MFAP1: variants seen among roughly 807,000 people sequenced by gnomAD.
The protein encoded by MFAP1 is microfibril associated protein 1.
Under a neutral mutation model 62.2 loss-of-function variants are expected in MFAP1, and 18 were observed. The ratio of observed to expected loss-of-function variants is 0.29; its 90% CI spans 0.20 to 0.43. The LOEUF is 0.43. Ranked by LOEUF, MFAP1 falls within the 20% of genes least tolerant of loss-of-function variation. The pLI is 1.00. For synonymous variants in MFAP1, 175 were observed against 180.4 expected, an observed-to-expected ratio of 0.97 and a Z score of 0.24; for missense variants, 355 against 559.7, an observed-to-expected ratio of 0.63 and a Z score of 3.69.
intron 7 of MFAP1, among the ~76,000 whole-genome samples, chr15:43,806,263 G>A (rs2087364769): frequency 6.6e-6 from 1 of 152,174 alleles, no homozygotes; most frequent in South Asian, 2.1e-4. Flanking sequence ...TATATCATAA[G>A]TTGGATATTT....
At chr15:43,807,786 C>T (rs1036913171) in intron 7 of MFAP1, among the ~76,000 whole-genome samples, 1 of 152,192 alleles carries the variant, frequency 6.6e-6, no homozygotes, top group Non-Finnish European at 1.5e-5. Context: ...TATGTATTCT[C>T]GCTAACAGTG....
At chr15:43,814,369 G>T in intron 4 of MFAP1, 132 bp downstream of exon 4, 1 of 965,452 alleles carries the variant, frequency 1.0e-6, no homozygotes, top group Non-Finnish European at 1.5e-6. Context: ...GTCTGCCAAG[G>T]GTAGAGCACT....
rs1304571840 is a variant in MFAP1, at chr15:43,814,369, G to A, written c.617+132C>T. On this transcript the variant is annotated intron_variant, in intron 4 of 8. Coordinates refer to ENST00000267812, the MANE Select transcript of MFAP1 (RefSeq NM_005926.3). ...ATTCCTCAGCAGCTAGTCTGCCAAG[G>A]GTAGAGCACTAGCAAAAGCACTTTC... The A allele has an allele frequency of 5.2e-6, 5 of 965,452 alleles. No homozygotes were observed. In the East Asian group the frequency reaches 1.2e-4, roughly 24 times the overall value. 59.8% of individuals were successfully genotyped at this position (965,452 alleles called of 1,614,324 possible). A position where few individuals can be genotyped will look rare whatever the true frequency, so the allele number is the denominator to read the frequency against.
chr15:43,822,428 C>A (rs2087472137), intron 1 of MFAP1, among the ~76,000 whole-genome samples: 1 of 152,020 alleles, frequency 6.6e-6, no homozygotes, highest in Non-Finnish European at 1.5e-5. Context: ...GGCTGGAGTG[C>A]AGTGGCATGA....
At chr15:43,817,806 G>A (rs1406438397) in intron 1 of MFAP1, among the ~76,000 whole-genome samples, 1 of 152,178 alleles carries the variant, frequency 6.6e-6, no homozygotes, top group East Asian at 1.9e-4. Flanking sequence ...CAAATTATTT[G>A]TAACAGTGCC....
chr15:43,805,442 C>T lies in MFAP1; in HGVS notation c.1071G>A (p.Lys357=), dbSNP rs150612583. The T allele has an allele frequency of 1.2e-6, 2 of 1,612,978 alleles. No individual in the cohort carries two copies. The highest frequency in any genetic ancestry group is 2.2e-5 in the East Asian group (1 of 44,898). The change falls in exon 8 of 9, where the codon AAG becomes AAA. Residue 357 remains lysine, a synonymous_variant. Coordinates refer to ENST00000267812, the MANE Select transcript of MFAP1 (RefSeq NM_005926.3). ...FFMDEDEEVY[K]RDFSAPTLED... is the part of the protein sequence containing the mutation. ...CCAGGGTAGGAGCGCTGAAATCTCTCTTGTATACTTCTTCATCCTCATCCT... is the reference window on the plus strand; with the variant it reads ...CCAGGGTAGGAGCGCTGAAATCTCTTTTGTATACTTCTTCATCCTCATCCT...
At chr15:43,805,737 C>T (rs537696916) in intron 7 of MFAP1, among the ~76,000 whole-genome samples, 2 of 151,778 alleles carry the variant, frequency 1.3e-5, no homozygotes, top group Non-Finnish European at 2.9e-5. Context: ...CTCAGCCTCC[C>T]GAGTAGCTGA....
At chr15:43,812,845 C>A in intron 6 of MFAP1, 142 bp downstream of exon 6, 1 of 992,878 alleles carries the variant, frequency 1.0e-6, no homozygotes, top group Non-Finnish European at 1.5e-6. Context: ...AACTCATATT[C>A]CAATTATAGG....
At chr15:43,805,675 C>T (rs762815285) in intron 7 of MFAP1, among the ~76,000 whole-genome samples, 27 of 151,522 alleles carry the variant, frequency 1.8e-4, no homozygotes, top group Non-Finnish European at 2.5e-4. Context: ...TGCACTGCCG[C>T]GATCTTGGCT....
intron 6 of MFAP1, among the ~76,000 whole-genome samples, 173 bp downstream of exon 6, chr15:43,812,814 T>C (rs1180141990): frequency 6.6e-6 from 1 of 152,222 alleles, no homozygotes; most frequent in Non-Finnish European, 1.5e-5. Flanking sequence ...TTCTCTTCCC[T>C]GATTTCACTG....
At chr15:43,810,644 G>C (rs550156132) in intron 6 of MFAP1, among the ~76,000 whole-genome samples, 1 of 152,320 alleles carries the variant, frequency 6.6e-6, no homozygotes, top group East Asian at 1.9e-4. Context: ...TGGGATTATA[G>C]GCGTGAGCCA....
intron 1 of MFAP1, among the ~76,000 whole-genome samples, chr15:43,821,364 C>T (rs1301163992): frequency 1.3e-5 from 2 of 151,812 alleles, no homozygotes; most frequent in African/African-American, 2.4e-5. Context: ...TAAAAGTTGT[C>T]TCCAGGCTTA....
intron 7 of MFAP1, among the ~76,000 whole-genome samples, chr15:43,807,270 G>T (rs1344158789): frequency 6.6e-6 from 1 of 150,758 alleles, no homozygotes; most frequent in Non-Finnish European, 1.5e-5. Flanking sequence ...AGAATTGCTT[G>T]AACCCGGGAG....
At chr15:43,823,157 G>A (rs1432184622) in intron 1 of MFAP1, among the ~76,000 whole-genome samples, 1 of 151,264 alleles carries the variant, frequency 6.6e-6, no homozygotes, top group Non-Finnish European at 1.5e-5. Context: ...TTTTTGCAGA[G>A]ATTGGCGGGG....
Position 43,806,141 on chromosome 15 carries a change from G to A in MFAP1, c.1048-676C>T, listed in dbSNP as rs150957365. ...CCTAATTTTCTCCTTGAGTGTAGAC[G>A]TGTCTTGAAGGTTGGCTTATTCTCT... On this transcript the variant is annotated intron_variant, in intron 7 of 8. Coordinates refer to ENST00000267812, the MANE Select transcript of MFAP1 (RefSeq NM_005926.3). Among the ~76,000 whole-genome samples the A allele has an allele frequency of 5.6e-3, 856 of 151,952 alleles. 3 individuals are homozygous for A. Among genetic ancestry groups the A allele is most frequent in the Admixed American group, 9.6e-3 (146 of 15,228 alleles).
intron 2 of MFAP1, among the ~76,000 whole-genome samples, chr15:43,816,451 T>G (rs962593049): frequency 2.0e-5 from 3 of 152,056 alleles, no homozygotes; most frequent in Non-Finnish European, 4.4e-5. Flanking sequence ...TTTACCAAGT[T>G]GGCCAGGCTG....
At chr15:43,823,667 G>A (rs1042193580) in intron 1 of MFAP1, among the ~76,000 whole-genome samples, 6 of 152,144 alleles carry the variant, frequency 3.9e-5, no homozygotes, top group African/African-American at 1.4e-4. Flanking sequence ...ATAAGACACC[G>A]TGCCTGGCCG....
At chr15:43,818,829 G>A (rs573879009) in intron 1 of MFAP1, among the ~76,000 whole-genome samples, 16 of 152,182 alleles carry the variant, frequency 1.1e-4, no homozygotes, top group African/African-American at 3.6e-4. Context: ...TTGAGGCTGC[G>A]GCAAGCCATG....
At chr15:43,820,902 C>A (rs1230883993) in intron 1 of MFAP1, among the ~76,000 whole-genome samples, 3 of 152,146 alleles carry the variant, frequency 2.0e-5, no homozygotes, top group African/African-American at 7.2e-5. Flanking sequence ...AGCCACCATG[C>A]CTGGCTTATT....
Sources: allele counts gnomAD v4.1 joint callset (sites outside exome capture counted in the v4.1 genomes callset), GRCh38; gene constraint gnomAD v4.1.1; transcripts MANE v1.5; gene names NCBI Gene and HGNC (gene_info 2026-07-23, HGNC 2026-07-21).